PRR5L: variants seen among roughly 807,000 people sequenced by gnomAD.
PRR5L encodes the protein proline rich 5 like, also known as proline-rich protein 5-like.
In PRR5L, 21 loss-of-function variants were observed where a neutral mutation model predicts 36.4. That is an observed-to-expected ratio of 0.58 (90% CI 0.41 to 0.83). PRR5L has a LOEUF of 0.83. PRR5L is among the 40% of genes least tolerant of loss of function. PRR5L has a pLI of 0.00. For missense variants in PRR5L, 381 were observed against 473.3 expected, an observed-to-expected ratio of 0.80 and a Z score of 1.81; for synonymous variants, 188 against 197.0, an observed-to-expected ratio of 0.95 and a Z score of 0.38.
chr11:36,299,375 T>A (rs566185537), intron 1 of PRR5L, among the ~76,000 whole-genome samples: 1 of 152,294 alleles, frequency 6.6e-6, no homozygotes, highest in Admixed American at 6.5e-5. Context: ...CAATTGGGAC[T>A]TGGAGTGCTC....
chr11:36,303,265 T>C (rs901301155), intron 1 of PRR5L, among the ~76,000 whole-genome samples: 3 of 152,194 alleles, frequency 2.0e-5, no homozygotes, highest in Admixed American at 2.0e-4. Context: ...GTGAAATCTA[T>C]AGGACTTGGT....
chr11:36,418,787 C>T (rs951799686), intron 3 of PRR5L, among the ~76,000 whole-genome samples: 28 of 152,062 alleles, frequency 1.8e-4, no homozygotes, highest in Non-Finnish European at 8.8e-5. Context: ...CAGAGCGAGA[C>T]TCTGTCTCAA....
At chr11:36,398,638 A>T (rs1857721110) in intron 1 of PRR5L, 1 of 152,260 alleles carries the variant, frequency 6.6e-6, no homozygotes, top group South Asian at 2.1e-4. Context: ...AGTCCGCGGG[A>T]GCCATAGTCG....
rs1425835038 is a variant in PRR5L, at chr11:36,417,553, T to C, written c.246-1702T>C. ...TTGACAGGGTGGCCCTCCATGAGAC[T>C]GCCTTTAAATTGGCCCTCAAAATGC... On this transcript the variant is annotated intron_variant, in intron 3 of 8. Transcript: ENST00000530639. Among the ~76,000 whole-genome samples the C allele has an allele frequency of 9.8e-5, 15 of 152,322 alleles. No homozygotes were observed. The East Asian group carries it at 2.9e-3, about 29-fold the overall frequency.
intron 1 of PRR5L, chr11:36,350,208 G>T (rs575039234): frequency 2.1e-5 from 3 of 144,286 alleles, no homozygotes; most frequent in African/African-American, 7.8e-5. Flanking sequence ...GTGTGAGTGT[G>T]TGTGGGGTGG....
chr11:36,358,474 T>G (rs1207189785), intron 1 of PRR5L, among the ~76,000 whole-genome samples: 2 of 152,214 alleles, frequency 1.3e-5, no homozygotes, highest in Non-Finnish European at 2.9e-5. Flanking sequence ...TTAGCCGTAT[T>G]TTTAAATTAA....
intron 8 of PRR5L, among the ~76,000 whole-genome samples, chr11:36,457,193 T>G (rs185478777): frequency 2.6e-5 from 4 of 152,356 alleles, no homozygotes; most frequent in Admixed American, 2.6e-4. Flanking sequence ...CGATTTACCC[T>G]CTGTCTTCTC....
rs146752593 is a variant in PRR5L at position 36,335,650 on chromosome 11, C to T, written c.-126+39212C>T. Among the ~76,000 whole-genome samples, 171 of 152,168 alleles carry T rather than the reference C, an allele frequency of 1.1e-3. 1 individual carries two copies. The highest frequency in any genetic ancestry group is 2.1e-3 in the Non-Finnish European group (145 of 68,022). Reference sequence around the variant, plus strand: ...GATCTACTCAAGGAGAAAAATTATTCTTGAGTACGTGGTATTTATTTAGAA... The same window carrying T: ...GATCTACTCAAGGAGAAAAATTATTTTTGAGTACGTGGTATTTATTTAGAA... On this transcript the variant is annotated intron_variant, in intron 1 of 8. Transcript: ENST00000530639.
chr11:36,456,649 C>T (rs530476657), intron 8 of PRR5L, among the ~76,000 whole-genome samples: 1 of 152,386 alleles, frequency 6.6e-6, no homozygotes, highest in African/African-American at 2.4e-5. Flanking sequence ...TCATCACTAA[C>T]TATGACTGTT....
chr11:36,299,292 A>T (rs1856347738), intron 1 of PRR5L, among the ~76,000 whole-genome samples: 1 of 152,228 alleles, frequency 6.6e-6, no homozygotes, highest in Non-Finnish European at 1.5e-5. Flanking sequence ...TGATTCAGAC[A>T]TCAGCCCTCA....
chr11:36,369,392 T>A (rs1857175687), intron 1 of PRR5L, among the ~76,000 whole-genome samples: 2 of 152,138 alleles, frequency 1.3e-5, no homozygotes, highest in African/African-American at 4.8e-5. Flanking sequence ...ACATCTCATC[T>A]ACTCATGTGT....
intron 1 of PRR5L, among the ~76,000 whole-genome samples, chr11:36,307,659 A>C (rs926345463): frequency 3.3e-5 from 5 of 152,284 alleles, no homozygotes; most frequent in African/African-American, 1.2e-4. Context: ...GAAAGCAGCC[A>C]CCAACAAAAA....
intron 1 of PRR5L, among the ~76,000 whole-genome samples, chr11:36,379,049 G>A (rs1857324714): frequency 6.6e-6 from 1 of 152,142 alleles, no homozygotes. Flanking sequence ...GTTACAAATT[G>A]GCTCAGTTAT....
At position 36,409,332 on chromosome 11, in the gene PRR5L, G is replaced by A. The variant is rs1221054949; in HGVS notation, c.245+5954G>A. ...GAGATCAGTTATCTGCAGCCGGCCT[G>A]AGACAGGAAACGCACATTTTCCTTC... On this transcript the variant is annotated intron_variant, in intron 3 of 8. Transcript: ENST00000530639. 2.6e-5 allele frequency among the ~76,000 whole-genome samples: 4 copies of A among 152,298 alleles called. No individual in the cohort carries two copies. The East Asian group carries it at 7.7e-4, about 29-fold the overall frequency.
At chr11:36,304,884 G>A (rs1015518096) in intron 1 of PRR5L, among the ~76,000 whole-genome samples, 1 of 152,152 alleles carries the variant, frequency 6.6e-6, no homozygotes, top group African/African-American at 2.4e-5. Flanking sequence ...GACAAGTGTG[G>A]GAGAAGATGT....
intron 1 of PRR5L, among the ~76,000 whole-genome samples, chr11:36,307,644 C>A (rs1193792939): frequency 1.3e-5 from 2 of 152,174 alleles, no homozygotes; most frequent in African/African-American, 4.8e-5. Flanking sequence ...CTTTCCTTTC[C>A]TTCTGAAAGC....
intron 1 of PRR5L, among the ~76,000 whole-genome samples, chr11:36,394,744 C>T (rs1027654092): frequency 3.9e-5 from 6 of 152,164 alleles, no homozygotes; most frequent in Non-Finnish European, 8.8e-5. Context: ...GTTTATGGCC[C>T]ACCTGGATAA....
At chr11:36,390,311 G>T (rs1189111869) in intron 1 of PRR5L, among the ~76,000 whole-genome samples, 1 of 152,230 alleles carries the variant, frequency 6.6e-6, no homozygotes, top group East Asian at 1.9e-4. Flanking sequence ...GGGTCCTGAG[G>T]TGGGGCAGAG....
intron 1 of PRR5L, among the ~76,000 whole-genome samples, chr11:36,351,278 A>ATATTTT (rs1185407124): frequency 4.7e-4 from 12 of 25,370 alleles, no homozygotes; most frequent in Non-Finnish European, 6.9e-4. Context: ...ATATTTATAT[A>ATATTTT]TATGTATATT....
Sources: allele counts gnomAD v4.1 joint callset (sites outside exome capture counted in the v4.1 genomes callset), GRCh38; gene constraint gnomAD v4.1.1; transcripts MANE v1.5; gene names NCBI Gene and HGNC (gene_info 2026-07-23, HGNC 2026-07-21).